CDC42EP4: variants seen among roughly 807,000 people sequenced by gnomAD.
The protein encoded by CDC42EP4 is CDC42 effector protein 4, also known as CDC42 effector protein (Rho GTPase binding) 4.
In CDC42EP4, 6 loss-of-function variants were observed where a neutral mutation model predicts 5.6. The observed-to-expected ratio is 1.07, with a 90% confidence interval of 0.59 to 2.12. CDC42EP4 has a LOEUF of 2.12. Ranked by LOEUF, CDC42EP4 falls within the 30% of genes most tolerant of loss-of-function variation. The pLI, the probability that CDC42EP4 is intolerant of heterozygous loss-of-function variation, is 0.00. For synonymous variants in CDC42EP4, 230 were observed against 224.2 expected (o/e 1.03, Z -0.23); for missense variants, 490 against 508.6 (o/e 0.96, Z 0.35).
intron 1 of CDC42EP4, among the ~76,000 whole-genome samples, chr17:73,299,444 T>TACACACACACACACAC (rs71154990): frequency 8.4e-4 from 108 of 127,966 alleles, no homozygotes; most frequent in African/African-American, 3.1e-3. Flanking sequence ...AAAAAAAAAA[T>TACACACACACACACAC]ACACACACAC....
At chr17:73,303,825 C>T (rs1192999091) in intron 1 of CDC42EP4, among the ~76,000 whole-genome samples, 2 of 152,172 alleles carry the variant, frequency 1.3e-5, no homozygotes, top group African/African-American at 4.8e-5. Flanking sequence ...TTGAATATCA[C>T]ACAAGTATTC....
At chr17:73,299,205 C>T (rs941083729) in intron 1 of CDC42EP4, among the ~76,000 whole-genome samples, 1 of 151,812 alleles carries the variant, frequency 6.6e-6, no homozygotes, top group Non-Finnish European at 1.5e-5. Context: ...GGGCAGATCA[C>T]GAGGTCAGGA....
intron 1 of CDC42EP4, among the ~76,000 whole-genome samples, chr17:73,289,434 G>C (rs2062149648): frequency 6.6e-6 from 1 of 152,116 alleles, no homozygotes; most frequent in Non-Finnish European, 1.5e-5. Flanking sequence ...CTTCTGGGTT[G>C]GTGAGCAGAT....
At chr17:73,288,138 AC>A (rs2145307376) in intron 1 of CDC42EP4, among the ~76,000 whole-genome samples, 1 of 152,116 alleles carries the variant, frequency 6.6e-6, no homozygotes, top group East Asian at 1.9e-4. Context: ...ACCTTTAGCC[AC>A]CACCTGCCCC....
chr17:73,310,596 G>T (rs1297213257), intron 1 of CDC42EP4, among the ~76,000 whole-genome samples: 3 of 151,826 alleles, frequency 2.0e-5, no homozygotes, highest in Non-Finnish European at 4.4e-5. Flanking sequence ...AGAGAGAGAA[G>T]TTCCAGAGGC....
Position 73,286,533 on chromosome 17 carries a change from G to T in CDC42EP4, c.-33C>A. The T allele has an allele frequency of 6.6e-7, 1 of 1,518,020 alleles. No individual in the cohort carries two copies. Among genetic ancestry groups the T allele is most frequent in the East Asian group, 2.3e-5 (1 of 43,440 alleles). The allele number at this position is 1,518,020 out of a possible 1,614,324, so 94.0% of individuals were successfully genotyped here. On this transcript the variant is annotated 5_prime_UTR_variant, in exon 2 of 2. Coordinates refer to ENST00000335793, the MANE Select transcript of CDC42EP4 (RefSeq NM_012121.5). The surrounding 1 kb of genome is among the most constrained non-coding windows in gnomAD (Gnocchi z 7.7). ...GATGGGCGGGGAGGTGGGCCCTCCC[G>T]AGGTAGCCGGCAGGTCTGGGGTCAG... is the stretch of plus-strand genomic sequence containing the variant.
chr17:73,305,568 C>G (rs924255246), intron 1 of CDC42EP4, among the ~76,000 whole-genome samples: 1 of 152,238 alleles, frequency 6.6e-6, no homozygotes, highest in Non-Finnish European at 1.5e-5. Context: ...CATCTTGGCC[C>G]TGCCGGAAGT....
intron 1 of CDC42EP4, among the ~76,000 whole-genome samples, chr17:73,294,211 C>G (rs1289488245): frequency 6.6e-6 from 1 of 152,106 alleles, no homozygotes; most frequent in Non-Finnish European, 1.5e-5. Context: ...ATCAGCCAGG[C>G]ATGGTGGTGT....
At chr17:73,297,001 A>AAAAAAAAAAAAAAACACAC (rs547362762) in intron 1 of CDC42EP4, among the ~76,000 whole-genome samples, 1 of 61,734 alleles carries the variant, frequency 1.6e-5, no homozygotes, top group Non-Finnish European at 3.3e-5. Flanking sequence ...AAAAAAAAAA[A>AAAAAAAAAAAAAAACACAC]AAATACACAA....
At chr17:73,309,524 G>A (rs1025820198) in intron 1 of CDC42EP4, among the ~76,000 whole-genome samples, 14 of 152,120 alleles carry the variant, frequency 9.2e-5, no homozygotes, top group African/African-American at 3.1e-4. Context: ...GCAGCACAGT[G>A]GAGGCAGGGT....
Position 73,286,306 on chromosome 17 carries a change from C to T in CDC42EP4, c.195G>A (p.Leu65=). Residue 65 remains leucine, a synonymous_variant, in exon 2 of 2, where the codon TTG becomes TTA. Transcript: ENST00000335793. This position sits in a 1 kb window ranked among gnomAD's most constrained non-coding sequence, Gnocchi z 7.7. ...SKAGEPDGES[L]DEQPSSSSSK... is the part of the protein sequence containing the mutation. ...AAGATGAAGAAGAGGGCTGTTCGTCCAAGGACTCGCCGTCGGGCTCGCCAG... is the reference window on the plus strand; with the variant it reads ...AAGATGAAGAAGAGGGCTGTTCGTCTAAGGACTCGCCGTCGGGCTCGCCAG... 2 of 1,614,192 alleles carry T rather than the reference C, an allele frequency of 1.2e-6. No individual in the cohort carries two copies. The highest frequency in any genetic ancestry group is 1.7e-6 in the Non-Finnish European group (2 of 1,180,032).
chr17:73,303,545 C>A (rs912558755), intron 1 of CDC42EP4, among the ~76,000 whole-genome samples: 1 of 151,664 alleles, frequency 6.6e-6, no homozygotes, highest in East Asian at 1.9e-4. Flanking sequence ...ACCTGTAATG[C>A]CAGCTACTTG....
intron 1 of CDC42EP4, among the ~76,000 whole-genome samples, chr17:73,305,261 T>C (rs2062239135): frequency 6.6e-6 from 1 of 152,214 alleles, no homozygotes; most frequent in South Asian, 2.1e-4. Context: ...AGAGGGACCA[T>C]CTGGGCCAGG....
At chr17:73,297,457 G>C (rs896045323) in intron 1 of CDC42EP4, among the ~76,000 whole-genome samples, 3 of 152,032 alleles carry the variant, frequency 2.0e-5, no homozygotes, top group African/African-American at 4.8e-5. Flanking sequence ...TTGGGCAATA[G>C]AGTGAGACTC....
At chr17:73,293,212 G>A (rs1202280171) in intron 1 of CDC42EP4, among the ~76,000 whole-genome samples, 1 of 152,166 alleles carries the variant, frequency 6.6e-6, no homozygotes, top group Non-Finnish European at 1.5e-5. Context: ...GTAAGCAGGC[G>A]AGTGATTCAA....
intron 1 of CDC42EP4, among the ~76,000 whole-genome samples, chr17:73,290,379 G>T (rs1417803368): frequency 1.3e-5 from 2 of 152,194 alleles, no homozygotes; most frequent in Admixed American, 6.5e-5. Context: ...GTACAGAGAA[G>T]GGGGTACCCA....
intron 1 of CDC42EP4, among the ~76,000 whole-genome samples, chr17:73,309,358 TAAATA>T (rs1236561622): frequency 6.6e-6 from 1 of 152,052 alleles, no homozygotes; most frequent in African/African-American, 2.4e-5. Flanking sequence ...AAAAAATTAA[TAAATA>T]AAATAAAAAT....
chr17:73,289,575 AC>A (rs56274740), intron 1 of CDC42EP4, among the ~76,000 whole-genome samples: 37,461 of 151,098 alleles, frequency 0.25, 5,183 homozygotes, highest in Non-Finnish European at 0.32. Flanking sequence ...AAGAAAAAAA[AC>A]CACCAAAAAG....
intron 1 of CDC42EP4, among the ~76,000 whole-genome samples, chr17:73,303,431 G>C (rs1240104950): frequency 6.6e-6 from 1 of 152,144 alleles, no homozygotes; most frequent in African/African-American, 2.4e-5. Flanking sequence ...GGAGGCCGAG[G>C]AGTATGGATC....
Sources: allele counts gnomAD v4.1 joint callset (sites outside exome capture counted in the v4.1 genomes callset), GRCh38; gene constraint gnomAD v4.1.1; non-coding constraint Gnocchi (gnomAD v3.1); transcripts MANE v1.5; gene names NCBI Gene and HGNC (gene_info 2026-07-23, HGNC 2026-07-21).